Variants in PCDHA12 observed in about 807,000 individuals in gnomAD.
The protein encoded by PCDHA12 is protocadherin alpha 12, also known as protocadherin alpha-12.
A neutral mutation model predicts 60.0 loss-of-function variants in PCDHA12; 44 were observed. The observed-to-expected ratio is 0.73, with a 90% CI of 0.58 to 0.94. The LOEUF is 0.94. Among genes scored for constraint, PCDHA12 ranks in the 40% least tolerant of loss-of-function variants. PCDHA12 has a pLI of 0.00. For missense variants in PCDHA12, 1,276 were observed against 1,239.7 expected (o/e 1.03, Z -0.44); for synonymous variants, 569 against 553.0 (o/e 1.03, Z -0.40).
rs1306170767 is a variant in PCDHA12 at position 140,875,949 on chromosome 5, T to G, written c.477T>G (p.Asp159Glu). Residue 159 changes from aspartate to glutamate, a missense_variant, in exon 1 of 4, where the codon GAT becomes GAG. By Grantham distance (45) the Asp-to-Glu change is conservative. Transcript: ENST00000398631. ...ATTTTCCTCTAGAGGGCGCTTCTGATGCGGATATCGGCGTAAACTCTCTTT... is the reference window on the plus strand; with the variant it reads ...ATTTTCCTCTAGAGGGCGCTTCTGAGGCGGATATCGGCGTAAACTCTCTTT... ...DSHFPLEGAS[D>E]ADIGVNSLLT... The G allele has an allele frequency of 1.9e-6, 3 of 1,614,214 alleles. No individual in the cohort carries two copies. Among genetic ancestry groups the G allele is most frequent in the East Asian group, 4.5e-5 (2 of 44,888 alleles).
chr5:141,000,499 C>T (rs2097942558), intron 3 of PCDHA12, among the ~76,000 whole-genome samples: 1 of 138,650 alleles, frequency 7.2e-6, no homozygotes, highest in African/African-American at 2.7e-5. Context: ...AAGATCTCGG[C>T]TCACTGCAAC....
intron 1 of PCDHA12, among the ~76,000 whole-genome samples, chr5:140,902,760 T>G (rs887357298): frequency 1.4e-4 from 22 of 152,038 alleles, no homozygotes; most frequent in African/African-American, 5.3e-4. Context: ...ATCATTCTTA[T>G]GTCTTTGCAT....
intron 1 of PCDHA12, among the ~76,000 whole-genome samples, chr5:140,917,324 C>CG (rs1299895515): frequency 0.012 from 918 of 74,422 alleles, 22 homozygotes; most frequent in East Asian, 0.019. Flanking sequence ...GTTCATGTGG[C>CG]GGGGGAGGGG....
At chr5:140,959,607 C>T (rs2095500489) in intron 1 of PCDHA12, among the ~76,000 whole-genome samples, 1 of 151,986 alleles carries the variant, frequency 6.6e-6, no homozygotes, top group African/African-American at 2.4e-5. Flanking sequence ...ACATGCTTTT[C>T]TTGCTTGTGA....
At chr5:140,975,017 G>A (rs1474947976) in intron 1 of PCDHA12, among the ~76,000 whole-genome samples, 1 of 152,154 alleles carries the variant, frequency 6.6e-6, no homozygotes, top group Non-Finnish European at 1.5e-5. Flanking sequence ...ACACAGCTGG[G>A]CTGTGTTGTC....
intron 3 of PCDHA12, among the ~76,000 whole-genome samples, chr5:140,984,149 G>C (rs2097089041): frequency 6.6e-6 from 1 of 152,198 alleles, no homozygotes; most frequent in Non-Finnish European, 1.5e-5. Context: ...CATCTGGGAA[G>C]GTGAGAACTT....
At chr5:140,943,600 A>G (rs996134923) in intron 1 of PCDHA12, among the ~76,000 whole-genome samples, 1 of 152,198 alleles carries the variant, frequency 6.6e-6, no homozygotes, top group African/African-American at 2.4e-5. Context: ...AATTCTAAAT[A>G]TAGACTTTGA....
chr5:140,998,908 G>A (rs1203319313), intron 3 of PCDHA12, among the ~76,000 whole-genome samples: 2 of 152,162 alleles, frequency 1.3e-5, no homozygotes, highest in East Asian at 1.9e-4. Context: ...CCTCCGGGAG[G>A]TAGCTATTAT....
At chr5:140,941,506 G>A (rs556309408) in intron 1 of PCDHA12, among the ~76,000 whole-genome samples, 3 of 151,236 alleles carry the variant, frequency 2.0e-5, no homozygotes, top group Non-Finnish European at 4.4e-5. Flanking sequence ...TAGTAGAGAC[G>A]AGGTTTCACC....
At chr5:140,934,636 G>A (rs782329021) in intron 1 of PCDHA12, among the ~76,000 whole-genome samples, 17 of 151,974 alleles carry the variant, frequency 1.1e-4, no homozygotes, top group Non-Finnish European at 1.9e-4. Flanking sequence ...CACAGGAAAG[G>A]CAGGATAAAT....
Position 140,963,600 on chromosome 5 carries a change from G to A in PCDHA12, c.2368-15349G>A, listed in dbSNP as rs111244023. Among the ~76,000 whole-genome samples, 12 of 152,298 alleles carry A rather than the reference G, an allele frequency of 7.9e-5. No homozygotes were observed. In the South Asian group the frequency reaches 1.7e-3, roughly 21 times the overall value. ...CAAAATGTAGGATATAGTTCTAGAC[G>A]TAATTGGGAAAGCTTAACTTTGTTG... On this transcript the variant is annotated intron_variant, in intron 1 of 3. Transcript: ENST00000398631.
intron 1 of PCDHA12, among the ~76,000 whole-genome samples, chr5:140,920,560 C>T (rs1288031450): frequency 1.3e-5 from 2 of 152,168 alleles, no homozygotes; most frequent in Non-Finnish European, 2.9e-5. Flanking sequence ...AAGTGTGGCC[C>T]TTAGGCCAGG....
chr5:140,926,441 A>G (rs1476576189), intron 1 of PCDHA12: 1 of 154,800 alleles, frequency 6.5e-6, no homozygotes, highest in African/African-American at 2.4e-5. Context: ...AGATCTGGGC[A>G]GCCTCAGGGC....
chr5:140,927,656 T>C (rs782201050), intron 1 of PCDHA12: 4 of 1,613,938 alleles, frequency 2.5e-6, no homozygotes, highest in Non-Finnish European at 3.4e-6. Flanking sequence ...TTATTCCGAG[T>C]TCAAGCCTTG....
At chr5:140,898,321 G>A (rs370229202) in intron 1 of PCDHA12, among the ~76,000 whole-genome samples, 42 of 152,060 alleles carry the variant, frequency 2.8e-4, no homozygotes, top group Non-Finnish European at 1.2e-4. Flanking sequence ...TTATGGTTTT[G>A]GGTCTAACGT....
At chr5:140,965,893 C>G (rs1173111476) in intron 1 of PCDHA12, among the ~76,000 whole-genome samples, 1 of 152,226 alleles carries the variant, frequency 6.6e-6, no homozygotes, top group Non-Finnish European at 1.5e-5. Context: ...AGAATTGAGT[C>G]TTGGATCCCA....
Position 140,928,944 on chromosome 5 carries a change from A to C in PCDHA12, c.2368-50005A>C, listed in dbSNP as rs782627710. The C allele has an allele frequency of 6.2e-6, 10 of 1,614,070 alleles. No homozygotes were observed. In the Admixed American group the frequency reaches 1.7e-4, roughly 27 times the overall value. On this transcript the variant is annotated intron_variant, in intron 1 of 3. Transcript: ENST00000398631. ...AGCTTTCTGCCCAGAACTTGTATTTAGTAATTGCCTTGGCTTGTATTTCCT... is the reference window on the plus strand; with the variant it reads ...AGCTTTCTGCCCAGAACTTGTATTTCGTAATTGCCTTGGCTTGTATTTCCT...
intron 1 of PCDHA12, among the ~76,000 whole-genome samples, chr5:140,937,894 A>G (rs1554211868): frequency 6.6e-6 from 1 of 150,462 alleles, no homozygotes; most frequent in Non-Finnish European, 1.5e-5. Context: ...CCTGGGCGAC[A>G]GAGTGAGACT....
At chr5:140,918,007 G>C (rs1313004826) in intron 1 of PCDHA12, among the ~76,000 whole-genome samples, 1 of 151,954 alleles carries the variant, frequency 6.6e-6, no homozygotes, top group Non-Finnish European at 1.5e-5. Context: ...TAACAATGTT[G>C]TTTCTTCCTA....
Sources: gnomAD v4.1 joint callset for allele counts (sites outside exome capture counted in the v4.1 genomes callset) on GRCh38, gnomAD v4.1.1 for gene constraint, MANE v1.5 for transcripts, NCBI Gene and HGNC (gene_info 2026-07-23, HGNC 2026-07-21) for gene names.